The following LRRTM4 variants were observed in gnomAD, a reference collection of about 807,000 sequenced individuals.
LRRTM4 encodes the protein leucine-rich repeat transmembrane neuronal protein 4.
Under a neutral mutation model 47.6 loss-of-function variants are expected in LRRTM4, and 25 were observed. The observed-to-expected ratio is 0.53, with a 90% CI of 0.38 to 0.73. LRRTM4 has a LOEUF of 0.73. Among genes scored for constraint, LRRTM4 ranks in the 30% least tolerant of loss-of-function variants. The probability of loss-of-function intolerance (pLI) is 0.00; values close to 1 mark genes in which losing one functional copy is unlikely to be tolerated. For missense variants in LRRTM4, 638 were observed against 713.4 expected (o/e 0.89, Z 1.20); for synonymous variants, 311 against 269.5 (o/e 1.15, Z -1.51).
At chr2:77,327,480 C>T (rs1249779711) in intron 3 of LRRTM4, among the ~76,000 whole-genome samples, 3 of 152,046 alleles carry the variant, frequency 2.0e-5, no homozygotes, top group Admixed American at 2.0e-4. Context: ...CAAAACTGTT[C>T]CTTTGGCATG....
intron 3 of LRRTM4, among the ~76,000 whole-genome samples, chr2:76,926,517 T>C (rs1245423934): frequency 6.6e-6 from 1 of 152,190 alleles, no homozygotes; most frequent in Admixed American, 6.5e-5. Flanking sequence ...AAAGCACATA[T>C]TGGAAACTTA....
intron 3 of LRRTM4, among the ~76,000 whole-genome samples, chr2:77,507,154 T>A (rs1678807854): frequency 1.3e-5 from 2 of 152,106 alleles, no homozygotes; most frequent in South Asian, 4.1e-4. Context: ...GAAATTAAAA[T>A]GTATCATGTT....
intron 3 of LRRTM4, among the ~76,000 whole-genome samples, chr2:77,029,059 A>ATATATATATATAATATATATATAT (rs1385401498): frequency 3.4e-5 from 5 of 145,066 alleles, no homozygotes; most frequent in South Asian, 4.7e-4. Context: ...ACAAATATAT[A>ATATATATATATAATATATATATAT]TATATATATA....
chr2:76,967,239 C>G (rs762820993), intron 3 of LRRTM4, among the ~76,000 whole-genome samples: 2 of 150,206 alleles, frequency 1.3e-5, no homozygotes, highest in African/African-American at 4.9e-5. Context: ...TTATTCCAGA[C>G]ACCTCCCTGA....
At chr2:77,083,259 T>G (rs1680589748) in intron 3 of LRRTM4, among the ~76,000 whole-genome samples, 1 of 152,156 alleles carries the variant, frequency 6.6e-6, no homozygotes, top group African/African-American at 2.4e-5. Flanking sequence ...GATCAGCTAT[T>G]CCATGGTGCA....
At chr2:77,115,006 G>C (rs1315334520) in intron 3 of LRRTM4, among the ~76,000 whole-genome samples, 2 of 152,186 alleles carry the variant, frequency 1.3e-5, no homozygotes, top group African/African-American at 4.8e-5. Flanking sequence ...CCCAATCCTG[G>C]TAAGCCTGAG....
At chr2:77,115,312 T>C (rs1363162581) in intron 3 of LRRTM4, among the ~76,000 whole-genome samples, 1 of 152,206 alleles carries the variant, frequency 6.6e-6, no homozygotes, top group African/African-American at 2.4e-5. Flanking sequence ...CTGTTCTTTT[T>C]CAGGGTGCAC....
At chr2:77,363,365 A>T (rs937650300) in intron 3 of LRRTM4, among the ~76,000 whole-genome samples, 6 of 152,206 alleles carry the variant, frequency 3.9e-5, no homozygotes, top group Admixed American at 1.3e-4. Context: ...TCAAGAAAGC[A>T]GAAGGAAAAG....
intron 3 of LRRTM4, among the ~76,000 whole-genome samples, chr2:77,150,925 C>T (rs1056698113): frequency 2.6e-5 from 4 of 152,066 alleles, no homozygotes; most frequent in African/African-American, 9.7e-5. Context: ...TAGTTTTCTT[C>T]TCTTCTCACC....
chr2:76,769,233 T>G (rs1278701684), intron 3 of LRRTM4, among the ~76,000 whole-genome samples: 1 of 152,204 alleles, frequency 6.6e-6, no homozygotes, highest in Admixed American at 6.5e-5. Context: ...AAGGAACTCC[T>G]ATTTACTTAG....
At chr2:77,467,866 G>GA (rs36119426) in intron 3 of LRRTM4, among the ~76,000 whole-genome samples, 38,276 of 151,728 alleles carry the variant, frequency 0.25, 5,134 homozygotes, top group East Asian at 0.37. Flanking sequence ...TATCAACACT[G>GA]AAAAAAATAT....
intron 3 of LRRTM4, among the ~76,000 whole-genome samples, chr2:77,513,977 T>TA (rs142092015): frequency 6.6e-6 from 1 of 152,098 alleles, no homozygotes; most frequent in Non-Finnish European, 1.5e-5. Flanking sequence ...TAAATTGTCG[T>TA]AAAAAAATTT....
Position 77,376,747 on chromosome 2 carries a change from A to G in LRRTM4, c.1551+141571T>C, listed in dbSNP as rs145096877. ...CATGCTATCAACAATATTTATCACT[A>G]GTGAAGTTAGTCTTAATCACATTTC... On this transcript the variant is annotated intron_variant, in intron 3 of 3. Coordinates refer to ENST00000409884, the MANE Select transcript of LRRTM4 (RefSeq NM_001134745.3). Among the ~76,000 whole-genome samples, 1,178 of 151,970 alleles carry G rather than the reference A, an allele frequency of 7.8e-3. 6 individuals carry two copies. The highest frequency in any genetic ancestry group is 0.012 in the Non-Finnish European group (789 of 67,874).
At chr2:77,037,575 C>T (rs938107863) in intron 3 of LRRTM4, among the ~76,000 whole-genome samples, 1 of 151,722 alleles carries the variant, frequency 6.6e-6, no homozygotes, top group Non-Finnish European at 1.5e-5. Flanking sequence ...AAAAGCCTCA[C>T]ATTTCACTTA....
intron 3 of LRRTM4, among the ~76,000 whole-genome samples, chr2:76,750,793 A>T (rs1042843250): frequency 6.6e-6 from 1 of 152,212 alleles, no homozygotes; most frequent in Non-Finnish European, 1.5e-5. Flanking sequence ...ACGTTGACAC[A>T]AATTCCCTCT....
intron 3 of LRRTM4, among the ~76,000 whole-genome samples, chr2:77,301,039 G>T (rs951732707): frequency 1.3e-5 from 2 of 151,654 alleles, no homozygotes; most frequent in African/African-American, 4.8e-5. Flanking sequence ...ATGAATCCAT[G>T]CTATATCTCT....
At chr2:77,004,986 C>T (rs1484370895) in intron 3 of LRRTM4, among the ~76,000 whole-genome samples, 4 of 152,088 alleles carry the variant, frequency 2.6e-5, no homozygotes, top group Non-Finnish European at 5.9e-5. Flanking sequence ...GCCTGTACCC[C>T]AGTTGTATCT....
At position 77,447,805 on chromosome 2, in the gene LRRTM4, A is replaced by G. The variant is rs1229680490; in HGVS notation, c.1551+70513T>C. 2.0e-5 allele frequency among the ~76,000 whole-genome samples: 3 copies of G among 152,176 alleles called. No homozygotes were observed. The East Asian group carries it at 5.8e-4, about 29-fold the overall frequency. ...AGTGGTTTTTCAGAACACATATGGCATGTTATAGCAGACCCCGACTGTAGT... is the reference window on the plus strand; with the variant it reads ...AGTGGTTTTTCAGAACACATATGGCGTGTTATAGCAGACCCCGACTGTAGT... On this transcript the variant is annotated intron_variant, in intron 3 of 3. Transcript: ENST00000409884.
At chr2:77,252,320 G>A (rs1675641351) in intron 3 of LRRTM4, among the ~76,000 whole-genome samples, 1 of 152,080 alleles carries the variant, frequency 6.6e-6, no homozygotes, top group African/African-American at 2.4e-5. Context: ...TACACTTGGG[G>A]CAGCCAGATT....
Sources: gnomAD v4.1 joint callset for allele counts (sites outside exome capture counted in the v4.1 genomes callset) on GRCh38, gnomAD v4.1.1 for gene constraint, MANE v1.5 for transcripts, NCBI Gene and HGNC (gene_info 2026-07-23, HGNC 2026-07-21) for gene names.